DIO2: variants seen among roughly 807,000 people sequenced by gnomAD.
DIO2 encodes iodothyronine deiodinase 2.
DIO2 carries 19 observed loss-of-function variants against 21.4 expected under a neutral mutation model. The observed-to-expected ratio is 0.89, with a 90% CI of 0.62 to 1.30. The LOEUF (loss-of-function observed/expected upper bound fraction) is 1.30, where lower values mean the gene tolerates loss of function less well. DIO2 is among the 50% of genes most tolerant of loss of function. The pLI, the probability that DIO2 is intolerant of heterozygous loss-of-function variation, is 0.00. For missense variants in DIO2, 302 were observed against 338.1 expected, an observed-to-expected ratio of 0.89 and a Z score of 0.84; for synonymous variants, 122 against 132.9, an observed-to-expected ratio of 0.92 and a Z score of 0.57.
upstream of DIO2, among the ~76,000 whole-genome samples, chr14:80,216,454 G>C (rs888004922): frequency 1.1e-4 from 17 of 152,128 alleles, no homozygotes; most frequent in African/African-American, 4.1e-4. Context: ...GATCCACATT[G>C]ATAGCCAATC....
At chr14:80,217,398 G>A (rs940647296) in intron 2 of DIO2, among the ~76,000 whole-genome samples, 2 of 152,176 alleles carry the variant, frequency 1.3e-5, no homozygotes, top group African/African-American at 4.8e-5. Context: ...AGAGCCACTG[G>A]TGGAACACAA....
upstream of DIO2, chr14:80,211,648 G>A (rs1189805243): frequency 1.8e-6 from 1 of 546,524 alleles, no homozygotes; most frequent in African/African-American, 1.9e-5. Context: ...CTCTTTCAAA[G>A]AAGCAGAAAT....
chr14:80,214,898 C>A (rs1488131096), upstream of DIO2, among the ~76,000 whole-genome samples: 2 of 152,060 alleles, frequency 1.3e-5, no homozygotes, highest in Non-Finnish European at 2.9e-5. Context: ...TCTAAATAAG[C>A]CTCACTTTTT....
At chr14:80,218,480 A>G (rs911828220) in intron 2 of DIO2, among the ~76,000 whole-genome samples, 4 of 152,330 alleles carry the variant, frequency 2.6e-5, no homozygotes, top group African/African-American at 9.6e-5. Context: ...CCTTACCTCT[A>G]AATTACCACA....
At chr14:80,221,548 T>C (rs1167478699) in intron 2 of DIO2, among the ~76,000 whole-genome samples, 1 of 152,208 alleles carries the variant, frequency 6.6e-6, no homozygotes, top group Non-Finnish European at 1.5e-5. Context: ...TTCTAAATTA[T>C]GAGGTGGTCT....
intron 1 of DIO2, among the ~76,000 whole-genome samples, chr14:80,210,916 A>G (rs989639158): frequency 5.3e-5 from 8 of 152,206 alleles, no homozygotes; most frequent in African/African-American, 1.9e-4. Context: ...AGCAGAATAA[A>G]TGCAGCAGTC....
In DIO2 at chr14:80,199,321, G is replaced by A. The variant is rs907931111; in HGVS notation, c.*3368C>T. On this transcript the variant is annotated 3_prime_UTR_variant, in exon 2 of 2. Transcript: ENST00000438257. Reference sequence around the variant, plus strand: ...AGAGAATAAGCACTTCCTGGTTAACGGGAGAAGAACTTAACTGAACAGATC... The same window carrying A: ...AGAGAATAAGCACTTCCTGGTTAACAGGAGAAGAACTTAACTGAACAGATC... The A allele has an allele frequency of 2.6e-5, 4 of 152,168 alleles. No homozygotes were observed. The highest frequency in any genetic ancestry group is 7.2e-5 in the African/African-American group (3 of 41,426). 9.4% of individuals were successfully genotyped at this position (152,168 alleles called of 1,614,324 possible).
At chr14:80,216,463 T>A (rs1173190203), upstream of DIO2, among the ~76,000 whole-genome samples, 2 of 152,024 alleles carry the variant, frequency 1.3e-5, no homozygotes, top group African/African-American at 4.8e-5. Context: ...TGATAGCCAA[T>A]CCCCTCTCCC....
intron 1 of DIO2, among the ~76,000 whole-genome samples, chr14:80,208,418 T>C (rs965669485): frequency 6.6e-6 from 1 of 152,342 alleles, no homozygotes; most frequent in East Asian, 1.9e-4. Flanking sequence ...TCTTTCTTTA[T>C]TTCTGTGTTG....
In DIO2 at chr14:80,202,641, G is replaced by C. The variant is rs768610342; in HGVS notation, c.*48C>G. 5 of 1,510,118 alleles carry C rather than the reference G, an allele frequency of 3.3e-6. No individual in the cohort carries two copies. Among genetic ancestry groups the C allele is most frequent in the Non-Finnish European group, 2.7e-6 (3 of 1,128,090 alleles). 93.5% of individuals were successfully genotyped at this position (1,510,118 alleles called of 1,614,324 possible). ...TATGGATTCAGTTCTTAATTTCCTT[G>C]CCTTTATATAACTTTTTAAAACAAT... On this transcript the variant is annotated 3_prime_UTR_variant, in exon 2 of 2. Transcript: ENST00000438257.
At chr14:80,213,278 G>A (rs900358520), upstream of DIO2, among the ~76,000 whole-genome samples, 12 of 152,168 alleles carry the variant, frequency 7.9e-5, no homozygotes, top group African/African-American at 2.7e-4. Context: ...AGTTTTCTCA[G>A]TGATAGATAC....
chr14:80,225,245 C>T (rs770956937), intron 2 of DIO2, among the ~76,000 whole-genome samples: 1 of 152,154 alleles, frequency 6.6e-6, no homozygotes. Context: ...TCTACCATCA[C>T]AAATCCACCC....
At chr14:80,205,842 G>C in intron 1 of DIO2, 1 of 557,508 alleles carries the variant, frequency 1.8e-6, no homozygotes, top group Non-Finnish European at 2.6e-6. Flanking sequence ...TTATTTTATT[G>C]AATGAATGCT....
chr14:80,202,799 T>A lies in DIO2; in HGVS notation c.712A>T (p.Ile238Phe). The A allele has an allele frequency of 6.2e-7, 1 of 1,613,974 alleles. No homozygotes were observed. The highest frequency in any genetic ancestry group is 8.5e-7 in the Non-Finnish European group (1 of 1,179,892). The part of the protein sequence containing the change: ...ERVCIVQRQK[I>F]AYLGGKGPFS... ...GGGCCCTTTCCTCCCAGATAAGCAA[T>A]TTTCTGTCTCTGCACAATGCACACA... The change falls in exon 2 of 2, where the codon ATT (isoleucine) becomes TTT (phenylalanine). Residue 238 changes from isoleucine to phenylalanine, a missense_variant. Transcript: ENST00000438257.
At chr14:80,212,301 A>C (rs555160304), upstream of DIO2, 1 of 152,040 alleles carries the variant, frequency 6.6e-6, no homozygotes, top group South Asian at 2.1e-4. Flanking sequence ...TACTTTGGCC[A>C]GGATTGCAGT....
intron 1 of DIO2, among the ~76,000 whole-genome samples, chr14:80,206,758 T>C (rs1790846461): frequency 1.3e-5 from 2 of 152,188 alleles, no homozygotes; most frequent in South Asian, 4.1e-4. Flanking sequence ...TTACCTATCA[T>C]CTTAATTTCT....
At chr14:80,226,016 G>A (rs928861400) in intron 2 of DIO2, among the ~76,000 whole-genome samples, 5 of 152,088 alleles carry the variant, frequency 3.3e-5, no homozygotes, top group African/African-American at 7.2e-5. Flanking sequence ...GTAATGTCAC[G>A]GGAACAGGAA....
chr14:80,223,661 A>G (rs1888512372), intron 2 of DIO2, among the ~76,000 whole-genome samples: 1 of 152,210 alleles, frequency 6.6e-6, no homozygotes, highest in Admixed American at 6.5e-5. Flanking sequence ...AAAGTGAATT[A>G]TACAATTTTA....
At chr14:80,212,999 T>C (rs1385475293), upstream of DIO2, among the ~76,000 whole-genome samples, 1 of 152,252 alleles carries the variant, frequency 6.6e-6, no homozygotes, top group Non-Finnish European at 1.5e-5. Context: ...TCTTTAAATT[T>C]GGTGTTTCAC....
Sources: gnomAD v4.1 joint callset for allele counts (sites outside exome capture counted in the v4.1 genomes callset) on GRCh38, gnomAD v4.1.1 for gene constraint, MANE v1.5 for transcripts, NCBI Gene and HGNC (gene_info 2026-07-23, HGNC 2026-07-21) for gene names.